Variants in TMEFF2 observed in about 807,000 individuals in gnomAD.
TMEFF2 encodes the protein transmembrane protein with EGF like and two follistatin like domains 2.
TMEFF2 carries 28 observed loss-of-function variants against 53.8 expected under a neutral mutation model. The ratio of observed to expected loss-of-function variants is 0.52; its 90% CI spans 0.39 to 0.71. The LOEUF (loss-of-function observed/expected upper bound fraction) is 0.71. Ranked by LOEUF, TMEFF2 falls within the 30% of genes least tolerant of loss-of-function variation. The pLI, the probability that TMEFF2 is intolerant of heterozygous loss-of-function variation, is 0.00. For synonymous variants in TMEFF2, 162 were observed against 166.3 expected, an observed-to-expected ratio of 0.97 and a Z score of 0.20; for missense variants, 353 against 455.2, an observed-to-expected ratio of 0.78 and a Z score of 2.04.
intron 5 of TMEFF2, among the ~76,000 whole-genome samples, chr2:192,029,978 C>A (rs1469902426): frequency 6.6e-6 from 1 of 152,096 alleles, no homozygotes; most frequent in Non-Finnish European, 1.5e-5. Flanking sequence ...CTGGAAAACT[C>A]CACTGTGCAT....
At chr2:192,126,291 G>A (rs967696910) in intron 4 of TMEFF2, among the ~76,000 whole-genome samples, 2 of 152,084 alleles carry the variant, frequency 1.3e-5, no homozygotes, top group Admixed American at 1.3e-4. Flanking sequence ...TGAAGTGATG[G>A]GGAAAAGTAC....
At chr2:192,130,746 C>G (rs938714813) in intron 4 of TMEFF2, among the ~76,000 whole-genome samples, 7 of 152,022 alleles carry the variant, frequency 4.6e-5, no homozygotes, top group Non-Finnish European at 8.8e-5. Context: ...CCCGCCTGCA[C>G]CCAGGTGAAA....
intron 5 of TMEFF2, among the ~76,000 whole-genome samples, chr2:192,050,106 C>G (rs1326874533): frequency 6.6e-6 from 1 of 152,198 alleles, no homozygotes; most frequent in African/African-American, 2.4e-5. Context: ...TTCCTTTGTT[C>G]TGTTGCCATG....
At chr2:192,193,907 C>A (rs1052537813) in intron 1 of TMEFF2, among the ~76,000 whole-genome samples, 1 of 152,090 alleles carries the variant, frequency 6.6e-6, no homozygotes, top group Non-Finnish European at 1.5e-5. Context: ...ATCAGCGATT[C>A]CCCTGCAGTC....
intron 4 of TMEFF2, among the ~76,000 whole-genome samples, chr2:192,099,383 C>A (rs1688983308): frequency 1.3e-5 from 2 of 152,062 alleles, no homozygotes; most frequent in South Asian, 4.2e-4. Context: ...TGAACTAATT[C>A]TTTGAGAGGC....
At chr2:192,069,104 G>A (rs528390953) in intron 4 of TMEFF2, among the ~76,000 whole-genome samples, 1 of 151,260 alleles carries the variant, frequency 6.6e-6, no homozygotes, top group African/African-American at 2.4e-5. Flanking sequence ...CCCCCTACTC[G>A]ACTCACATTG....
At chr2:192,081,377 G>A (rs370599678) in intron 4 of TMEFF2, among the ~76,000 whole-genome samples, 4 of 152,268 alleles carry the variant, frequency 2.6e-5, no homozygotes, top group Admixed American at 6.5e-5. Flanking sequence ...GCAAATTTCC[G>A]TATAAAGAGG....
intron 5 of TMEFF2, among the ~76,000 whole-genome samples, chr2:192,053,698 C>G (rs1208168755): frequency 2.0e-5 from 3 of 152,178 alleles, no homozygotes; most frequent in African/African-American, 7.2e-5. Flanking sequence ...GTGGTGTCAT[C>G]CAAAATCAAT....
chr2:191,980,942 A>G (rs1012222015), intron 7 of TMEFF2, among the ~76,000 whole-genome samples: 1 of 152,032 alleles, frequency 6.6e-6, no homozygotes, highest in African/African-American at 2.4e-5. Flanking sequence ...AAATCCAACT[A>G]AAATCTATGT....
chr2:191,961,283 T>C (rs1002796194), intron 7 of TMEFF2, among the ~76,000 whole-genome samples: 1 of 152,204 alleles, frequency 6.6e-6, no homozygotes, highest in Non-Finnish European at 1.5e-5. Context: ...ACATCCCATA[T>C]GATCTTGACA....
chr2:191,949,307 T>C lies in TMEFF2; in HGVS notation c.*1004A>G. The C allele has an allele frequency of 1.0e-6, 1 of 985,308 alleles. No individual in the cohort carries two copies. The highest frequency in any genetic ancestry group is 1.1e-4 in the East Asian group (1 of 8,818). 61.0% of individuals were successfully genotyped at this position (985,308 alleles called of 1,614,324 possible). A position where few individuals can be genotyped will look rare whatever the true frequency, so the allele number is the denominator to read the frequency against. On this transcript the variant is annotated 3_prime_UTR_variant, in exon 10 of 10. Transcript: ENST00000272771. The stretch of plus-strand genomic sequence containing the variant: ...ACCACATAAATATGCTCAAAACATC[T>C]CTCTGTTTTCATGAAATATCGTCAT...
At chr2:192,102,624 TTC>T (rs1196317419) in intron 4 of TMEFF2, among the ~76,000 whole-genome samples, 6 of 87,604 alleles carry the variant, frequency 6.8e-5, no homozygotes, top group African/African-American at 2.1e-4. Context: ...TCTTTTCTTG[TTC>T]TTTTTTTTTT....
intron 2 of TMEFF2, among the ~76,000 whole-genome samples, chr2:192,188,191 A>AAAATT (rs1691362253): frequency 6.6e-6 from 1 of 152,226 alleles, no homozygotes; most frequent in South Asian, 2.1e-4. Context: ...TAAATGTAAA[A>AAAATT]AAATTATGAT....
chr2:192,117,722 C>A (rs1197330193), intron 4 of TMEFF2, among the ~76,000 whole-genome samples: 4 of 152,042 alleles, frequency 2.6e-5, no homozygotes, highest in African/African-American at 9.7e-5. Context: ...TTCTATCTCA[C>A]AACCAATCAG....
chr2:191,993,091 ATGTT>A (rs1686145072), intron 7 of TMEFF2, among the ~76,000 whole-genome samples: 1 of 152,032 alleles, frequency 6.6e-6, no homozygotes, highest in Non-Finnish European at 1.5e-5. Flanking sequence ...TCTCTTTCAC[ATGTT>A]TGTTGTGAAG....
intron 4 of TMEFF2, among the ~76,000 whole-genome samples, chr2:192,093,531 C>A (rs1196800164): frequency 1.3e-5 from 2 of 152,084 alleles, no homozygotes; most frequent in African/African-American, 2.4e-5. Flanking sequence ...GAAAATAGTA[C>A]AAGAAACATT....
intron 9 of TMEFF2, among the ~76,000 whole-genome samples, chr2:191,953,220 T>C (rs566671017): frequency 6.6e-6 from 1 of 152,334 alleles, no homozygotes; most frequent in African/African-American, 2.4e-5. Flanking sequence ...AGGCTGGGAA[T>C]TTGATATAAA....
chr2:191,996,133 C>A (rs1223176989), intron 7 of TMEFF2, among the ~76,000 whole-genome samples: 1 of 151,904 alleles, frequency 6.6e-6, no homozygotes, highest in African/African-American at 2.4e-5. Context: ...ATTATCAAAT[C>A]TCTTTGAAAT....
chr2:192,107,022 A>G (rs868276499), intron 4 of TMEFF2, among the ~76,000 whole-genome samples: 29 of 151,700 alleles, frequency 1.9e-4, no homozygotes, highest in South Asian at 2.1e-4. Context: ...GCAGAGTAAA[A>G]TGTACGGTTT....
Sources: allele counts gnomAD v4.1 joint callset (sites outside exome capture counted in the v4.1 genomes callset), GRCh38; gene constraint gnomAD v4.1.1; transcripts MANE v1.5; gene names NCBI Gene and HGNC (gene_info 2026-07-23, HGNC 2026-07-21).